Variants in ROPN1L observed in about 807,000 individuals in gnomAD.
The protein encoded by ROPN1L is ropporin-1-like protein.
In ROPN1L, 23 loss-of-function variants were observed where a neutral mutation model predicts 22.7. That is an observed-to-expected ratio of 1.01 (90% CI 0.73 to 1.43). The LOEUF is 1.43. Ranked by LOEUF, ROPN1L falls within the 40% of genes most tolerant of loss-of-function variation. The pLI is 0.00. For missense variants in ROPN1L, 271 were observed against 291.5 expected (o/e 0.93, Z 0.51); for synonymous variants, 116 against 117.8 (o/e 0.98, Z 0.10).
At chr5:10,469,208 G>T (rs576308360), downstream of ROPN1L, among the ~76,000 whole-genome samples, 194 of 151,870 alleles carry the variant, frequency 1.3e-3, 1 homozygote, top group African/African-American at 4.5e-3. Context: ...TGGCACTGTG[G>T]CTCATGCCTT....
At position 10,450,094 on chromosome 5, in the gene ROPN1L, G is replaced by T. The variant is rs1441785532; in HGVS notation, c.398G>T (p.Gly133Val). The change falls in exon 3 of 5, where the codon GGA (glycine) becomes GTA (valine). Residue 133 changes from glycine to valine, a missense_variant. Coordinates refer to ENST00000274134, the MANE Select transcript of ROPN1L (RefSeq NM_031916.5). ...AAGTGGATAAACTTTTTAGCGCTTG[G>T]ATGCAGCATGCTTGGTGGGGTATGT... ...KIKWINFLAL[G>V]CSMLGGSLNT... The T allele has an allele frequency of 2.5e-6, 4 of 1,613,504 alleles. No homozygotes were observed. The East Asian group carries it at 8.9e-5, about 36-fold the overall frequency.
intron 3 of ROPN1L, among the ~76,000 whole-genome samples, chr5:10,455,609 C>G (rs1741392494): frequency 6.6e-6 from 1 of 152,384 alleles, no homozygotes; most frequent in African/African-American, 2.4e-5. Context: ...CTCCCCATCC[C>G]TGTCCTGCAC....
intron 3 of ROPN1L, 93 bp downstream of exon 3, chr5:10,450,206 T>G (rs963754158): frequency 1.9e-6 from 2 of 1,037,544 alleles, no homozygotes; most frequent in Non-Finnish European, 2.7e-6. Flanking sequence ...GGAAACACTT[T>G]AGTAACTTTG....
intron 3 of ROPN1L, among the ~76,000 whole-genome samples, chr5:10,451,604 T>A (rs537736348): frequency 6.6e-6 from 1 of 152,380 alleles, no homozygotes; most frequent in Admixed American, 6.5e-5. Context: ...CCATGTCACA[T>A]CTGAGTGTGG....
chr5:10,466,646 G>A (rs971814457), downstream of ROPN1L, among the ~76,000 whole-genome samples: 1 of 152,210 alleles, frequency 6.6e-6, no homozygotes, highest in African/African-American at 2.4e-5. Context: ...GCATGGGTGT[G>A]ATGAGGCCCG....
At chr5:10,455,928 G>A (rs1332601211) in intron 3 of ROPN1L, among the ~76,000 whole-genome samples, 1 of 147,412 alleles carries the variant, frequency 6.8e-6, no homozygotes. Flanking sequence ...GTGCCTCAGA[G>A]GGGGACCTCC....
intron 3 of ROPN1L, among the ~76,000 whole-genome samples, chr5:10,454,555 T>A (rs1306367227): frequency 6.6e-6 from 1 of 152,138 alleles, no homozygotes; most frequent in Non-Finnish European, 1.5e-5. Flanking sequence ...GTGAACCAAG[T>A]CTTTCATCCC....
intron 3 of ROPN1L, among the ~76,000 whole-genome samples, chr5:10,451,061 G>A (rs1050906463): frequency 6.6e-6 from 1 of 152,228 alleles, no homozygotes; most frequent in Non-Finnish European, 1.5e-5. Context: ...CATCTGCCAT[G>A]TGAAGCTTAT....
downstream of ROPN1L, among the ~76,000 whole-genome samples, chr5:10,466,457 A>G (rs1335225244): frequency 6.6e-6 from 1 of 152,218 alleles, no homozygotes; most frequent in Non-Finnish European, 1.5e-5. Context: ...CACTGGGCTC[A>G]AGAAAAGACA....
At chr5:10,470,892 C>A (rs570477928) in intron 4 of ROPN1L, among the ~76,000 whole-genome samples, 1 of 152,194 alleles carries the variant, frequency 6.6e-6, no homozygotes, top group Non-Finnish European at 1.5e-5. Flanking sequence ...CTGCCACGTA[C>A]GGGTTTTGCA....
rs1448183597 is a variant in ROPN1L at position 10,447,376 on chromosome 5, A to G, written c.132-884A>G. On this transcript the variant is annotated intron_variant, in intron 1 of 4. Transcript: ENST00000274134. ...ACTCTTGCCCCCAACATAAGCAGCA[A>G]TATCAGTGTCCCAGAAAGGAACAAT... Among the ~76,000 whole-genome samples, 4 of 152,136 alleles carry G rather than the reference A, an allele frequency of 2.6e-5. No individual in the cohort carries two copies. In the East Asian group the frequency reaches 7.7e-4, roughly 29 times the overall value.
At chr5:10,468,819 C>A, downstream of ROPN1L, among the ~76,000 whole-genome samples, 1 of 152,140 alleles carries the variant, frequency 6.6e-6, no homozygotes, top group Admixed American at 6.5e-5. Context: ...GGATTTAGCA[C>A]CTCAAGAGTC....
intron 4 of ROPN1L, among the ~76,000 whole-genome samples, chr5:10,463,553 T>A (rs1230531758): frequency 6.6e-6 from 1 of 152,202 alleles, no homozygotes; most frequent in Non-Finnish European, 1.5e-5. Flanking sequence ...ATGGGGTCCC[T>A]GAGGTCTTCC....
intron 1 of ROPN1L, among the ~76,000 whole-genome samples, chr5:10,446,544 C>T (rs1378808734): frequency 1.3e-5 from 2 of 151,952 alleles, no homozygotes; most frequent in Non-Finnish European, 2.9e-5. Context: ...ATGTGTAATC[C>T]CAGCTACTCA....
downstream of ROPN1L, among the ~76,000 whole-genome samples, chr5:10,474,136 AG>A (rs1408084612): frequency 6.7e-6 from 1 of 149,448 alleles, no homozygotes; most frequent in African/African-American, 2.5e-5. Flanking sequence ...TGGGCTACAG[AG>A]TGAGACTGTG....
downstream of ROPN1L, among the ~76,000 whole-genome samples, chr5:10,475,850 G>T (rs538514041): frequency 6.6e-6 from 1 of 152,230 alleles, no homozygotes; most frequent in Non-Finnish European, 1.5e-5. Context: ...CTTAAAGCAC[G>T]TAGAAGTTTA....
intron 3 of ROPN1L, among the ~76,000 whole-genome samples, chr5:10,450,908 C>T (rs1023487354): frequency 3.9e-5 from 6 of 152,136 alleles, no homozygotes; most frequent in South Asian, 2.1e-4. Flanking sequence ...GGTGACGAGG[C>T]GAGCCTGGGA....
At chr5:10,452,269 G>T (rs1219743168) in intron 3 of ROPN1L, among the ~76,000 whole-genome samples, 3 of 150,840 alleles carry the variant, frequency 2.0e-5, no homozygotes, top group Non-Finnish European at 4.4e-5. Context: ...GTAAGCCACT[G>T]CACCCAGCCT....
At chr5:10,456,110 TAGTG>T (rs1477947923) in intron 3 of ROPN1L, among the ~76,000 whole-genome samples, 4 of 152,160 alleles carry the variant, frequency 2.6e-5, no homozygotes, top group Middle Eastern at 6.8e-3. Context: ...GCCCGGAAAA[TAGTG>T]GGTGCCCTCG....
Sources: allele counts gnomAD v4.1 joint callset (sites outside exome capture counted in the v4.1 genomes callset), GRCh38; gene constraint gnomAD v4.1.1; transcripts MANE v1.5; gene names NCBI Gene and HGNC (gene_info 2026-07-23, HGNC 2026-07-21).